Variants in HS6ST3 observed in about 807,000 individuals in gnomAD.
HS6ST3 encodes heparan-sulfate 6-O-sulfotransferase 3.
HS6ST3 carries 12 observed loss-of-function variants against 36.7 expected under a neutral mutation model. The ratio of observed to expected loss-of-function variants is 0.33; its 90% CI spans 0.21 to 0.53. The LOEUF is 0.53. HS6ST3 is among the 20% of genes least tolerant of loss of function. The pLI is 0.95. For missense variants in HS6ST3, 584 were observed against 640.9 expected, an observed-to-expected ratio of 0.91 and a Z score of 0.96; for synonymous variants, 240 against 257.5, an observed-to-expected ratio of 0.93 and a Z score of 0.65.
At chr13:96,329,470 G>A (rs1453276756) in intron 1 of HS6ST3, among the ~76,000 whole-genome samples, 2 of 147,098 alleles carry the variant, frequency 1.4e-5, no homozygotes, top group Non-Finnish European at 1.5e-5. Context: ...AGGTTGTTCA[G>A]TTTCCATGTA....
chr13:96,426,486 T>C (rs576850990), intron 1 of HS6ST3, among the ~76,000 whole-genome samples: 1 of 152,324 alleles, frequency 6.6e-6, no homozygotes, highest in South Asian at 2.1e-4. Context: ...ATTCAGTTTT[T>C]CCCAGCTTTA....
At chr13:96,121,226 T>C (rs1461108623) in intron 1 of HS6ST3, among the ~76,000 whole-genome samples, 2 of 152,220 alleles carry the variant, frequency 1.3e-5, no homozygotes, top group Non-Finnish European at 2.9e-5. Flanking sequence ...GAGTTACTGA[T>C]TTACTAATAC....
At chr13:96,673,664 T>C (rs1270001330) in intron 1 of HS6ST3, among the ~76,000 whole-genome samples, 2 of 152,146 alleles carry the variant, frequency 1.3e-5, no homozygotes, top group African/African-American at 4.8e-5. Context: ...CCTAATTCAC[T>C]TAAATCTTCT....
At chr13:96,194,139 G>A (rs918411868) in intron 1 of HS6ST3, among the ~76,000 whole-genome samples, 3 of 151,952 alleles carry the variant, frequency 2.0e-5, no homozygotes, top group African/African-American at 4.8e-5. Flanking sequence ...CTTATTTGCC[G>A]CCATTCCACA....
intron 1 of HS6ST3, among the ~76,000 whole-genome samples, chr13:96,615,920 A>T (rs533331814): frequency 6.6e-6 from 1 of 152,116 alleles, no homozygotes; most frequent in Non-Finnish European, 1.5e-5. Context: ...GGAATTTTTT[A>T]TTTTTCTTAA....
chr13:96,540,164 T>C (rs1479968410), intron 1 of HS6ST3, among the ~76,000 whole-genome samples: 1 of 152,230 alleles, frequency 6.6e-6, no homozygotes, highest in Non-Finnish European at 1.5e-5. Context: ...TGGGTCTTGC[T>C]GCATGGTGAG....
intron 1 of HS6ST3, among the ~76,000 whole-genome samples, chr13:96,500,041 T>A (rs1214055272): frequency 6.6e-6 from 1 of 152,216 alleles, no homozygotes; most frequent in Non-Finnish European, 1.5e-5. Flanking sequence ...AACATTTTCA[T>A]CACTGCACAA....
chr13:96,397,893 A>G (rs1328646399), intron 1 of HS6ST3, among the ~76,000 whole-genome samples: 1 of 152,172 alleles, frequency 6.6e-6, no homozygotes, highest in East Asian at 1.9e-4. Context: ...CATTTTACAG[A>G]TGAGGAAACT....
rs918711009 is a variant in HS6ST3, at chr13:96,614,310, A to T, written c.708-218180A>T. ...AAGGATCCATCTCAAAAAAAAAAAA[A>T]AAAAAAAAAAAAAAAAAACAGTTAT... On this transcript the variant is annotated intron_variant, in intron 1 of 1. Coordinates refer to ENST00000376705, the MANE Select transcript of HS6ST3 (RefSeq NM_153456.4). Among the ~76,000 whole-genome samples the T allele has an allele frequency of 1.7e-4, 26 of 149,516 alleles. 1 individual carries two copies. The highest frequency in any genetic ancestry group is 4.7e-4 in the Admixed American group (7 of 15,028).
intron 1 of HS6ST3, among the ~76,000 whole-genome samples, chr13:96,373,756 TTTGA>T (rs2055301543): frequency 6.6e-6 from 1 of 152,194 alleles, no homozygotes; most frequent in African/African-American, 2.4e-5. Flanking sequence ...CTCTCATCAA[TTTGA>T]TTGAAATAAG....
At chr13:96,582,249 T>C (rs893604849) in intron 1 of HS6ST3, among the ~76,000 whole-genome samples, 3 of 152,044 alleles carry the variant, frequency 2.0e-5, no homozygotes, top group Admixed American at 1.3e-4. Flanking sequence ...ACCAGAAGAT[T>C]TAAACGTGAG....
intron 1 of HS6ST3, among the ~76,000 whole-genome samples, chr13:96,140,883 A>G (rs1480545826): frequency 6.6e-6 from 1 of 152,220 alleles, no homozygotes. Context: ...TCAAAGCTGG[A>G]GAATTTACTA....
intron 1 of HS6ST3, among the ~76,000 whole-genome samples, chr13:96,253,838 A>T (rs79914938): frequency 6.6e-6 from 1 of 152,174 alleles, no homozygotes; most frequent in East Asian, 1.9e-4. Context: ...GGGCTTTTCT[A>T]TGATGGGGCT....
chr13:96,658,520 TG>T (rs1297443687), intron 1 of HS6ST3, among the ~76,000 whole-genome samples: 1 of 151,360 alleles, frequency 6.6e-6, no homozygotes, highest in Non-Finnish European at 1.5e-5. Flanking sequence ...TGATCTCAAA[TG>T]ATCTGCCTGC....
intron 1 of HS6ST3, among the ~76,000 whole-genome samples, chr13:96,362,932 A>G (rs780880265): frequency 6.6e-5 from 10 of 152,190 alleles, no homozygotes; most frequent in Non-Finnish European, 1.3e-4. Flanking sequence ...TCCATTCCAC[A>G]TGATTCCATT....
rs67979751 is a variant in HS6ST3 at position 96,614,297 on chromosome 13, C to CAAAAAAAAAAAAAAAAAAAA, written c.708-218181_708-218162dup. The stretch of plus-strand genomic sequence containing the variant: ...TGGGCAACAGAGCAAGGATCCATCT[C>CAAAAAAAAAAAAAAAAAAAA]AAAAAAAAAAAAAAAAAAAAAAAAA... On this transcript the variant is annotated intron_variant, in intron 1 of 1. Transcript: ENST00000376705. 6.8e-5 allele frequency among the ~76,000 whole-genome samples: 3 copies of CAAAAAAAAAAAAAAAAAAAA among 43,946 alleles called. 1 individual carries two copies. Among genetic ancestry groups the CAAAAAAAAAAAAAAAAAAAA allele is most frequent in the Non-Finnish European group, 3.8e-5 (1 of 26,532 alleles). The allele number at this position is 43,946 out of a possible 152,430, so 28.8% of individuals were successfully genotyped here. A position where few individuals can be genotyped will look rare whatever the true frequency, so the allele number is the denominator to read the frequency against.
At chr13:96,796,445 T>C (rs1396753249) in intron 1 of HS6ST3, among the ~76,000 whole-genome samples, 5 of 152,062 alleles carry the variant, frequency 3.3e-5, no homozygotes, top group African/African-American at 1.2e-4. Context: ...CTCAGACTAG[T>C]GGTAGGAGGA....
intron 1 of HS6ST3, among the ~76,000 whole-genome samples, chr13:96,800,403 T>C (rs1468448464): frequency 6.6e-6 from 1 of 151,980 alleles, no homozygotes; most frequent in Non-Finnish European, 1.5e-5. Context: ...GCATTTATAC[T>C]ACACCTATTC....
intron 1 of HS6ST3, among the ~76,000 whole-genome samples, chr13:96,289,305 T>TA (rs1473214480): frequency 6.6e-6 from 1 of 152,018 alleles, no homozygotes; most frequent in East Asian, 1.9e-4. Context: ...TAAAGAAGAA[T>TA]AAAAAGCCAT....
Sources: allele counts gnomAD v4.1 joint callset (sites outside exome capture counted in the v4.1 genomes callset), GRCh38; gene constraint gnomAD v4.1.1; transcripts MANE v1.5; gene names NCBI Gene and HGNC (gene_info 2026-07-23, HGNC 2026-07-21).